The following TRMT10A variants were observed in gnomAD, a reference collection of about 807,000 sequenced individuals.
TRMT10A encodes tRNA methyltransferase 10A.
Under a neutral mutation model 40.4 loss-of-function variants are expected in TRMT10A, and 37 were observed. That is an observed-to-expected ratio of 0.92 (90% CI 0.71 to 1.21). The LOEUF (loss-of-function observed/expected upper bound fraction) is 1.21, where lower values mean the gene tolerates loss of function less well. Among genes scored for constraint, TRMT10A ranks in the 50% most tolerant of loss-of-function variants. TRMT10A has a pLI of 0.00. For missense variants in TRMT10A, 388 were observed against 404.3 expected, an observed-to-expected ratio of 0.96 and a Z score of 0.35; for synonymous variants, 103 against 134.1, an observed-to-expected ratio of 0.77 and a Z score of 1.60.
At chr4:99,557,580 T>G in intron 3 of TRMT10A, 164 bp from the exon 4 acceptor site, 1 of 571,168 alleles carries the variant, frequency 1.8e-6, no homozygotes. Flanking sequence ...CCTTACATAC[T>G]AGCAAAATTA....
At chr4:99,551,172 T>A (rs1723949742) in intron 6 of TRMT10A, among the ~76,000 whole-genome samples, 182 bp from the exon 7 acceptor site, 1 of 152,178 alleles carries the variant, frequency 6.6e-6, no homozygotes, top group African/African-American at 2.4e-5. Flanking sequence ...TGACAATAAG[T>A]ATAGTCAATG....
At chr4:99,549,450 G>A (rs1723879211) in intron 7 of TRMT10A, 94 bp from the exon 8 acceptor site, 45 of 1,473,544 alleles carry the variant, frequency 3.1e-5, no homozygotes, top group Non-Finnish European at 4.0e-5. Context: ...TGTTAAGAGT[G>A]CTAGTTTGTC....
chr4:99,552,883 C>G (rs1194720562), intron 6 of TRMT10A, among the ~76,000 whole-genome samples: 2 of 151,476 alleles, frequency 1.3e-5, no homozygotes, highest in African/African-American at 4.9e-5. Context: ...GGTTTGCATA[C>G]TTGGTGGGGG....
chr4:99,557,456 T>C (rs759446249), intron 3 of TRMT10A, 40 bp from the exon 4 acceptor site: 7 of 1,571,978 alleles, frequency 4.5e-6, no homozygotes, highest in African/African-American at 2.7e-5. Context: ...GTTATTAAAA[T>C]TGTCTATGGC....
chr4:99,548,663 T>C lies in TRMT10A; in HGVS notation c.*425A>G, dbSNP rs1723833195. The stretch of plus-strand genomic sequence containing the variant: ...AGGGTAACCTACCATACACAAATGC[T>C]GATAGATTGACAGTATATTTATGAA... On this transcript the variant is annotated 3_prime_UTR_variant, in exon 8 of 8. Coordinates refer to ENST00000394876, the MANE Select transcript of TRMT10A (RefSeq NM_001134665.3). 6.5e-6 allele frequency: 1 copy of C among 153,660 alleles called. No homozygotes were observed. Among genetic ancestry groups the C allele is most frequent in the Non-Finnish European group, 1.4e-5 (1 of 69,116 alleles). 9.5% of individuals were successfully genotyped at this position (153,660 alleles called of 1,614,324 possible).
chr4:99,546,924 A>C lies in TRMT10A; in HGVS notation c.*2164T>G, dbSNP rs1321167124. 1 of 152,064 alleles carries C rather than the reference A, an allele frequency of 6.6e-6. No individual in the cohort carries two copies. Among genetic ancestry groups the C allele is most frequent in the African/African-American group, 2.4e-5 (1 of 41,408 alleles). The allele number at this position is 152,064 out of a possible 1,614,324, so 9.4% of individuals were successfully genotyped here. A position where few individuals can be genotyped will look rare whatever the true frequency, so the allele number is the denominator to read the frequency against. ...AACTAGTTATATCAAAAGAGGTAGT[A>C]ATCTTCACCTTCTTGCCACCAACAT... On this transcript the variant is annotated 3_prime_UTR_variant, in exon 8 of 8. Transcript: ENST00000394876.
At chr4:99,561,073 T>C (rs36044991) in intron 1 of TRMT10A, among the ~76,000 whole-genome samples, 13,096 of 151,910 alleles carry the variant, frequency 0.086, 1,033 homozygotes, top group African/African-American at 0.19. Flanking sequence ...TTCAGGCGAT[T>C]CTACTGCCTC....
At position 99,563,999 on chromosome 4, in the gene TRMT10A, GAAAC is replaced by G; in HGVS notation, c.-114_-111del. ...GTTACGGCTCACGCTTCCTTCCACA[GAAAC>G]TTCAATTCCCAGAGGCAGGGGCGGT... is the stretch of plus-strand genomic sequence containing the variant. On this transcript the variant is annotated 5_prime_UTR_variant, in exon 1 of 8. Transcript: ENST00000394876. 2.1e-6 allele frequency: 3 copies of G among 1,457,152 alleles called. No homozygotes were observed. In the South Asian group the frequency reaches 3.7e-5, roughly 18 times the overall value. 90.3% of individuals were successfully genotyped at this position (1,457,152 alleles called of 1,614,324 possible). A position where few individuals can be genotyped will look rare whatever the true frequency, so the allele number is the denominator to read the frequency against.
At chr4:99,554,722 C>CAAAAAAAAAAAAAAAAAA (rs532448105) in intron 5 of TRMT10A, among the ~76,000 whole-genome samples, 12 of 90,798 alleles carry the variant, frequency 1.3e-4, no homozygotes, top group Non-Finnish European at 1.7e-4. Flanking sequence ...GACTACGTTT[C>CAAAAAAAAAAAAAAAAAA]AAAAAAAAAA....
At chr4:99,553,127 T>A (rs1724027717) in intron 6 of TRMT10A, among the ~76,000 whole-genome samples, 1 of 152,156 alleles carries the variant, frequency 6.6e-6, no homozygotes, top group Non-Finnish European at 1.5e-5. Flanking sequence ...TAAATTTAAA[T>A]TGATTACAAT....
intron 3 of TRMT10A, 58 bp from the exon 4 acceptor site, chr4:99,557,474 T>C (rs185912651): frequency 2.0e-6 from 3 of 1,494,720 alleles, no homozygotes; most frequent in African/African-American, 2.8e-5. Flanking sequence ...GGCCATTCTA[T>C]GATCTTAAAG....
intron 3 of TRMT10A, 190 bp downstream of exon 3, chr4:99,557,859 C>A: frequency 1.8e-6 from 1 of 558,326 alleles, no homozygotes. Flanking sequence ...CACACACATA[C>A]ACACATATAT....
intron 5 of TRMT10A, among the ~76,000 whole-genome samples, chr4:99,554,441 G>A (rs1724080434): frequency 6.6e-6 from 1 of 152,114 alleles, no homozygotes. Context: ...GGAAATAGCT[G>A]GCCACGTGCG....
chr4:99,548,940 T>A lies in TRMT10A; in HGVS notation c.*148A>T. On this transcript the variant is annotated 3_prime_UTR_variant, in exon 8 of 8. Coordinates refer to ENST00000394876, the MANE Select transcript of TRMT10A (RefSeq NM_001134665.3). ...TCCTTACAAAGTTTAAAGGGCTTTT[T>A]TTTTTATTATTATTTAGGTCCAAAA... 1.4e-6 allele frequency: 1 copy of A among 733,482 alleles called. No individual in the cohort carries two copies. Among genetic ancestry groups the A allele is most frequent in the Non-Finnish European group, 2.0e-6 (1 of 500,400 alleles). The allele number at this position is 733,482 out of a possible 1,614,324, so 45.4% of individuals were successfully genotyped here. A position where few individuals can be genotyped will look rare whatever the true frequency, so the allele number is the denominator to read the frequency against.
Position 99,548,850 on chromosome 4 carries a change from TAAAAAC to T in TRMT10A, c.*232_*237del, listed in dbSNP as rs1294829718. The T allele has an allele frequency of 2.7e-6, 1 of 376,412 alleles. No homozygotes were observed. The highest frequency in any genetic ancestry group is 4.5e-5 in the East Asian group (1 of 22,232). 23.3% of individuals were successfully genotyped at this position (376,412 alleles called of 1,614,324 possible). A position where few individuals can be genotyped will look rare whatever the true frequency, so the allele number is the denominator to read the frequency against. ...AATTATCTAGAAACTACTGAGGCTT[TAAAAAC>T]AAAAACAAAAAAAATCACATACACA... is the stretch of plus-strand genomic sequence containing the variant. On this transcript the variant is annotated 3_prime_UTR_variant, in exon 8 of 8. Coordinates refer to ENST00000394876, the MANE Select transcript of TRMT10A (RefSeq NM_001134665.3).
intron 5 of TRMT10A, among the ~76,000 whole-genome samples, chr4:99,554,276 T>C (rs1417582897): frequency 6.6e-6 from 1 of 152,202 alleles, no homozygotes; most frequent in Non-Finnish European, 1.5e-5. Flanking sequence ...ATTTAAAAAC[T>C]CTTTCCTGAA....
chr4:99,551,762 T>A (rs1293593212), intron 6 of TRMT10A, among the ~76,000 whole-genome samples: 1 of 152,036 alleles, frequency 6.6e-6, no homozygotes, highest in African/African-American at 2.4e-5. Flanking sequence ...AGATGACAGC[T>A]CCATGCATGT....
At chr4:99,559,000 T>C (rs1724275593) in intron 2 of TRMT10A, among the ~76,000 whole-genome samples, 154 bp downstream of exon 2, 2 of 152,104 alleles carry the variant, frequency 1.3e-5, no homozygotes, top group African/African-American at 4.8e-5. Context: ...TAGCTTCAAT[T>C]TTCTTCTCTT....
At chr4:99,553,706 G>C in intron 6 of TRMT10A, 79 bp downstream of exon 6, 1 of 1,371,366 alleles carries the variant, frequency 7.3e-7, no homozygotes, top group Non-Finnish European at 9.9e-7. Flanking sequence ...GCTATCATTA[G>C]TATTATTGTT....
Sources: gnomAD v4.1 joint callset for allele counts (sites outside exome capture counted in the v4.1 genomes callset) on GRCh38, gnomAD v4.1.1 for gene constraint, MANE v1.5 for transcripts, NCBI Gene and HGNC (gene_info 2026-07-23, HGNC 2026-07-21) for gene names.